RIC8B: variants seen among roughly 807,000 people sequenced by gnomAD.
The protein encoded by RIC8B is chaperone Ric-8B.
Under a neutral mutation model 57.5 loss-of-function variants are expected in RIC8B, and 16 were observed. That is an observed-to-expected ratio of 0.28 (90% CI 0.19 to 0.42). The LOEUF is 0.42. Ranked by LOEUF, RIC8B falls within the 10% of genes least tolerant of loss-of-function variation. The probability of loss-of-function intolerance (pLI) is 1.00; values close to 1 mark genes in which losing one functional copy is unlikely to be tolerated. For missense variants in RIC8B, 481 were observed against 677.0 expected, an observed-to-expected ratio of 0.71 and a Z score of 3.21; for synonymous variants, 216 against 250.8, an observed-to-expected ratio of 0.86 and a Z score of 1.31.
intron 2 of RIC8B, among the ~76,000 whole-genome samples, chr12:106,787,421 T>C (rs927570390): frequency 1.3e-5 from 2 of 152,200 alleles, no homozygotes; most frequent in Admixed American, 6.5e-5. Context: ...GAGAGACATA[T>C]AGAATATAGG....
chr12:106,841,561 A>G (rs1948952215), intron 4 of RIC8B, among the ~76,000 whole-genome samples: 1 of 152,168 alleles, frequency 6.6e-6, no homozygotes, highest in African/African-American at 2.4e-5. Context: ...ATTAAGCTCT[A>G]AATTTGGTTT....
chr12:106,804,777 T>C (rs1313199852), intron 2 of RIC8B, among the ~76,000 whole-genome samples: 1 of 152,166 alleles, frequency 6.6e-6, no homozygotes, highest in Non-Finnish European at 1.5e-5. Context: ...GAACTCTCCA[T>C]AAATATAATT....
Position 106,850,247 on chromosome 12 carries a change from G to C in RIC8B, c.1162-1203G>C, listed in dbSNP as rs1449107354. Among the ~76,000 whole-genome samples the C allele has an allele frequency of 3.9e-5, 6 of 152,302 alleles. No individual in the cohort carries two copies. In the East Asian group the frequency reaches 7.7e-4, roughly 20 times the overall value. ...CTTCCATGAAACTGGCCAAGTCCCT[G>C]GTGCCAAAAGGTTGGGGACTGCTGA... On this transcript the variant is annotated intron_variant, in intron 6 of 9. Transcript: ENST00000392837.
intron 2 of RIC8B, among the ~76,000 whole-genome samples, chr12:106,790,042 G>A (rs1437538865): frequency 6.6e-6 from 1 of 151,910 alleles, no homozygotes; most frequent in African/African-American, 2.4e-5. Flanking sequence ...ACAAAGATTT[G>A]CTTCTTACCG....
rs2045233261 is a variant in RIC8B at position 106,809,544 on chromosome 12, AAG to A, written c.133-5150_133-5149del. Among the ~76,000 whole-genome samples, 4 of 147,876 alleles carry A rather than the reference AAG, an allele frequency of 2.7e-5. No homozygotes were observed. The South Asian group carries it at 8.6e-4, about 32-fold the overall frequency. On this transcript the variant is annotated intron_variant, in intron 2 of 9. Coordinates refer to ENST00000392837, the MANE Select transcript of RIC8B (RefSeq NM_001330145.2). ...TCTCAAAAAAAAAAAAAAAAAAAAA[AAG>A]AATTGTGCAGTAAGTGTTCAGTAAG...
rs1020912293 is a variant in RIC8B, at chr12:106,888,381, G to A, written c.*2366G>A. ...GCTTACTACATGCTGGGCTTTTGATGTATGTTATCTCATGTAACCTCACCT... is the reference window on the plus strand; with the variant it reads ...GCTTACTACATGCTGGGCTTTTGATATATGTTATCTCATGTAACCTCACCT... On this transcript the variant is annotated 3_prime_UTR_variant, in exon 10 of 10. Transcript: ENST00000392837. 1 of 152,282 alleles carries A rather than the reference G, an allele frequency of 6.6e-6. No homozygotes were observed. Among genetic ancestry groups the A allele is most frequent in the Non-Finnish European group, 1.5e-5 (1 of 68,052 alleles). 9.4% of individuals were successfully genotyped at this position (152,282 alleles called of 1,614,324 possible). A position where few individuals can be genotyped will look rare whatever the true frequency, so the allele number is the denominator to read the frequency against.
At chr12:106,859,356 T>C (rs1478753404) in intron 7 of RIC8B, among the ~76,000 whole-genome samples, 1 of 152,180 alleles carries the variant, frequency 6.6e-6, no homozygotes, top group Non-Finnish European at 1.5e-5. Flanking sequence ...AAAAGTTGTG[T>C]GTGTCTGCTC....
At chr12:106,849,466 TAA>T (rs550935865) in intron 6 of RIC8B, among the ~76,000 whole-genome samples, 1 of 140,062 alleles carries the variant, frequency 7.1e-6, no homozygotes. Flanking sequence ...AATTAAAAAT[TAA>T]AAAAAAAAAC....
intron 9 of RIC8B, chr12:106,873,056 G>A (rs1467948127): frequency 1.0e-6 from 1 of 985,232 alleles, no homozygotes; most frequent in African/African-American, 1.7e-5. Flanking sequence ...TCTAGAAGCT[G>A]CCAACAAATA....
chr12:106,784,338 A>C (rs1410967362), intron 2 of RIC8B, among the ~76,000 whole-genome samples: 1 of 152,170 alleles, frequency 6.6e-6, no homozygotes, highest in East Asian at 1.9e-4. Flanking sequence ...CTGACTGTTT[A>C]GTGGCAAGAC....
At position 106,867,778 on chromosome 12, in the gene RIC8B, G is replaced by A. The variant is rs1385744137; in HGVS notation, c.1452-3045G>A. 6.6e-6 allele frequency among the ~76,000 whole-genome samples: 1 copy of A among 152,090 alleles called. No individual in the cohort carries two copies. Among genetic ancestry groups the A allele is most frequent in the Non-Finnish European group, 1.5e-5 (1 of 68,020 alleles). The stretch of plus-strand genomic sequence containing the variant: ...CATTTTTCCCATAAGAGAGTGCTAC[G>A]CTATACTTCAGTGCCCTAACTTGTG... On this transcript the variant is annotated intron_variant, in intron 8 of 9. Transcript: ENST00000392837. The surrounding 1 kb of genome is among the most constrained non-coding windows in gnomAD (Gnocchi z 4.3).
At chr12:106,853,068 G>A (rs908553479) in intron 7 of RIC8B, among the ~76,000 whole-genome samples, 2 of 152,104 alleles carry the variant, frequency 1.3e-5, no homozygotes, top group African/African-American at 4.8e-5. Context: ...AAGAGAACTG[G>A]TGATTTTTTT....
At chr12:106,839,306 G>A (rs1005816030) in intron 4 of RIC8B, among the ~76,000 whole-genome samples, 1 of 152,096 alleles carries the variant, frequency 6.6e-6, no homozygotes, top group Non-Finnish European at 1.5e-5. Context: ...GATAAAATGT[G>A]CGTATATATG....
chr12:106,854,663 T>G (rs937932796), intron 7 of RIC8B, among the ~76,000 whole-genome samples: 15 of 152,114 alleles, frequency 9.9e-5, no homozygotes, highest in African/African-American at 3.6e-4. Context: ...TGGTGGTGCA[T>G]GCCTGTAATC....
intron 2 of RIC8B, among the ~76,000 whole-genome samples, chr12:106,813,021 G>A (rs1331243867): frequency 2.0e-5 from 3 of 151,430 alleles, no homozygotes; most frequent in African/African-American, 4.8e-5. Context: ...AATACTCAAG[G>A]AAAAAAAGGA....
chr12:106,878,865 T>C, intron 9 of RIC8B: 1 of 411,018 alleles, frequency 2.4e-6, no homozygotes, highest in Non-Finnish European at 3.3e-6. Context: ...GAACAAAATA[T>C]GTTACATAAA....
chr12:106,821,873 TC>T (rs1162101066), intron 3 of RIC8B, among the ~76,000 whole-genome samples: 5 of 151,154 alleles, frequency 3.3e-5, no homozygotes, highest in Non-Finnish European at 5.9e-5. Flanking sequence ...GGTCAGGAGA[TC>T]GAGACCATCC....
intron 2 of RIC8B, chr12:106,797,852 C>A: frequency 2.3e-6 from 1 of 443,752 alleles, no homozygotes; most frequent in Non-Finnish European, 4.0e-6. Flanking sequence ...AAGTTGGAGG[C>A]CATGATTCGA....
intron 4 of RIC8B, among the ~76,000 whole-genome samples, chr12:106,835,103 C>A (rs188184537): frequency 1.3e-5 from 2 of 151,782 alleles, no homozygotes; most frequent in Non-Finnish European, 2.9e-5. Context: ...TTGTACTTAC[C>A]GTTTCCATGG....
Sources: gnomAD v4.1 joint callset for allele counts (sites outside exome capture counted in the v4.1 genomes callset) on GRCh38, gnomAD v4.1.1 for gene constraint, Gnocchi (gnomAD v3.1) non-coding constraint, MANE v1.5 for transcripts, NCBI Gene and HGNC (gene_info 2026-07-23, HGNC 2026-07-21) for gene names.